MUSK: variants seen among roughly 807,000 people sequenced by gnomAD.
MUSK encodes the protein muscle, skeletal receptor tyrosine-protein kinase.
Under a neutral mutation model 88.7 loss-of-function variants are expected in MUSK, and 55 were observed. The ratio of observed to expected loss-of-function variants is 0.62; its 90% CI spans 0.50 to 0.78. The LOEUF (loss-of-function observed/expected upper bound fraction) is 0.78. Ranked by LOEUF, MUSK falls within the 30% of genes least tolerant of loss-of-function variation. MUSK has a pLI of 0.00. For synonymous variants in MUSK, 387 were observed against 391.9 expected (o/e 0.99, Z 0.15); for missense variants, 1,015 against 1,074.3 (o/e 0.94, Z 0.77).
chr9:110,685,201 G>A (rs73536295), intron 2 of MUSK, among the ~76,000 whole-genome samples: 3,448 of 152,036 alleles, frequency 0.023, 127 homozygotes, highest in African/African-American at 0.079. Flanking sequence ...TGCTTTTTCA[G>A]CATATATTGA....
Position 110,734,233 on chromosome 9 carries a change from C to G in MUSK, c.629-18C>G, listed in dbSNP as rs1486551488. Reference sequence around the variant, plus strand: ...TTTCCTGCAGGAGCGTCACTCACCACTTCTGTCTTCCTAACAGTTTTTGCC... The same window carrying G: ...TTTCCTGCAGGAGCGTCACTCACCAGTTCTGTCTTCCTAACAGTTTTTGCC... On this transcript the variant is annotated intron_variant, in intron 5 of 14. Transcript: ENST00000374448. 1 of 1,604,376 alleles carries G rather than the reference C, an allele frequency of 6.2e-7. No homozygotes were observed.
intron 5 of MUSK, among the ~76,000 whole-genome samples, chr9:110,702,826 G>A (rs948649224): frequency 6.6e-6 from 1 of 152,116 alleles, no homozygotes; most frequent in African/African-American, 2.4e-5. Context: ...CTGGGAGGTG[G>A]AGGCTGCAGT....
At chr9:110,672,381 T>A (rs1368794930) in intron 1 of MUSK, among the ~76,000 whole-genome samples, 1 of 152,154 alleles carries the variant, frequency 6.6e-6, no homozygotes, top group Non-Finnish European at 1.5e-5. Context: ...GGCTAGGAAC[T>A]GCAGCTTTCT....
At chr9:110,774,006 C>A (rs1414267649) in intron 9 of MUSK, among the ~76,000 whole-genome samples, 2 of 151,792 alleles carry the variant, frequency 1.3e-5, no homozygotes, top group African/African-American at 2.4e-5. Context: ...AAACATTGTG[C>A]CCTTTTCATC....
intron 1 of MUSK, among the ~76,000 whole-genome samples, chr9:110,672,573 G>C (rs772464098): frequency 6.6e-6 from 1 of 152,032 alleles, no homozygotes; most frequent in Non-Finnish European, 1.5e-5. Context: ...GATACAGATT[G>C]GATCAGGAAG....
intron 5 of MUSK, 84 bp from the exon 6 acceptor site, chr9:110,734,167 G>A: frequency 7.0e-7 from 1 of 1,433,762 alleles, no homozygotes; most frequent in African/African-American, 1.4e-5. Context: ...AGGGGAACAT[G>A]GTCTAATTTG....
Position 110,775,446 on chromosome 9 carries a change from T to C in MUSK, c.1185-342T>C, listed in dbSNP as rs544967461. On this transcript the variant is annotated intron_variant, in intron 9 of 14. Coordinates refer to ENST00000374448, the MANE Select transcript of MUSK (RefSeq NM_005592.4). The stretch of plus-strand genomic sequence containing the variant: ...GTAGGTGTGTTTTTTAAACTCTGTA[T>C]ACCTTTTTCCTCTACCTGTGTTGTT... 1.3e-4 allele frequency: 40 copies of C among 311,082 alleles called. 1 individual carries two copies. Among genetic ancestry groups the C allele is most frequent in the South Asian group, 1.2e-3 (38 of 32,788 alleles). The allele number at this position is 311,082 out of a possible 1,614,324, so 19.3% of individuals were successfully genotyped here. A position where few individuals can be genotyped will look rare whatever the true frequency, so the allele number is the denominator to read the frequency against.
rs201220288 is a variant in MUSK, at chr9:110,726,746, T to TTTTTG, written c.629-7486_629-7482dup. 7.6e-4 allele frequency among the ~76,000 whole-genome samples: 116 copies of TTTTTG among 151,770 alleles called. No homozygotes were observed. In the East Asian group the frequency reaches 0.022, roughly 29 times the overall value. On this transcript the variant is annotated intron_variant, in intron 5 of 14. Transcript: ENST00000374448. ...TAGAAAAAGAGAGAGAGGGAGAGAG[T>TTTTTG]TTTTGTTTTGTTTTGTTTTGTTTGT...
intron 14 of MUSK, chr9:110,788,181 C>T (rs2132036032): frequency 4.4e-6 from 1 of 225,972 alleles, no homozygotes; most frequent in East Asian, 1.3e-4. Flanking sequence ...TTTTGTTTCT[C>T]CTCTTTCTTC....
At chr9:110,788,703 T>TA (rs11411485) in intron 14 of MUSK, among the ~76,000 whole-genome samples, 96,311 of 147,840 alleles carry the variant, frequency 0.65, 32,808 homozygotes, top group African/African-American at 0.89. Flanking sequence ...AGACAGATAA[T>TA]AAAAAAAAAA....
At chr9:110,682,565 TG>T in intron 1 of MUSK, 108 bp from the exon 2 acceptor site, 1 of 1,127,814 alleles carries the variant, frequency 8.9e-7, no homozygotes, top group Non-Finnish European at 1.2e-6. Context: ...ATTTCTACTC[TG>T]GGGAAACAGA....
chr9:110,780,933 C>T (rs1030566413), intron 11 of MUSK, among the ~76,000 whole-genome samples: 3 of 152,066 alleles, frequency 2.0e-5, no homozygotes, highest in Admixed American at 1.3e-4. Flanking sequence ...GTAGACAGAC[C>T]TTTCTAATGC....
chr9:110,765,912 G>A (rs2077476011), intron 8 of MUSK, among the ~76,000 whole-genome samples: 1 of 152,096 alleles, frequency 6.6e-6, no homozygotes, highest in Non-Finnish European at 1.5e-5. Flanking sequence ...AATGAAGTAT[G>A]AACAGCTGTG....
chr9:110,713,262 CT>C (rs67227503), intron 5 of MUSK, among the ~76,000 whole-genome samples: 24,803 of 137,326 alleles, frequency 0.18, 1,796 homozygotes, highest in Non-Finnish European at 0.19. Flanking sequence ...ACCTTTTTTT[CT>C]TTTTTTTTTT....
chr9:110,690,290 A>G lies in MUSK; in HGVS notation c.358+3022A>G, dbSNP rs1307257705. On this transcript the variant is annotated intron_variant, in intron 3 of 14. Coordinates refer to ENST00000374448, the MANE Select transcript of MUSK (RefSeq NM_005592.4). Reference sequence around the variant, plus strand: ...TTTAAGTACAAATATATAAATATATATAAATATATATTTAAGTATAAATAT... The same window carrying G: ...TTTAAGTACAAATATATAAATATATGTAAATATATATTTAAGTATAAATAT... Among the ~76,000 whole-genome samples, 3 of 106,066 alleles carry G rather than the reference A, an allele frequency of 2.8e-5. No homozygotes were observed. In the East Asian group the frequency reaches 9.3e-4, roughly 33 times the overall value. 69.6% of individuals were successfully genotyped at this position (106,066 alleles called of 152,430 possible).
intron 3 of MUSK, among the ~76,000 whole-genome samples, chr9:110,689,696 T>C (rs1296192859): frequency 1.0e-4 from 5 of 48,252 alleles, no homozygotes; most frequent in Admixed American, 9.4e-4. Flanking sequence ...TATATAGTTA[T>C]ATATAAATAT....
chr9:110,694,243 G>T (rs887376716), intron 3 of MUSK, among the ~76,000 whole-genome samples: 2 of 146,438 alleles, frequency 1.4e-5, no homozygotes, highest in African/African-American at 5.0e-5. Flanking sequence ...AAAATTAGCC[G>T]GGTGTGGTGG....
intron 7 of MUSK, among the ~76,000 whole-genome samples, chr9:110,749,822 G>A (rs1319105043): frequency 6.6e-6 from 1 of 152,118 alleles, no homozygotes; most frequent in Non-Finnish European, 1.5e-5. Flanking sequence ...GAGTTCAGAT[G>A]TGTCTGATTT....
At chr9:110,696,328 T>C (rs2076430089) in intron 4 of MUSK, among the ~76,000 whole-genome samples, 1 of 152,124 alleles carries the variant, frequency 6.6e-6, no homozygotes, top group African/African-American at 2.4e-5. Context: ...TGCCTCTGTA[T>C]CTTATCCCCA....
Sources: gnomAD v4.1 joint callset for allele counts (sites outside exome capture counted in the v4.1 genomes callset) on GRCh38, gnomAD v4.1.1 for gene constraint, MANE v1.5 for transcripts, NCBI Gene and HGNC (gene_info 2026-07-23, HGNC 2026-07-21) for gene names.